Variants in STXBP5L observed in about 807,000 individuals in gnomAD.
STXBP5L encodes the protein syntaxin-binding protein 5-like.
Under a neutral mutation model 144.5 loss-of-function variants are expected in STXBP5L, and 65 were observed. The observed-to-expected ratio is 0.45, with a 90% CI of 0.37 to 0.55. The LOEUF (loss-of-function observed/expected upper bound fraction) is 0.55, where lower values mean the gene tolerates loss of function less well. Ranked by LOEUF, STXBP5L falls within the 20% of genes least tolerant of loss-of-function variation. The pLI is 0.00. For synonymous variants in STXBP5L, 505 were observed against 469.6 expected, an observed-to-expected ratio of 1.08 and a Z score of -0.97; for missense variants, 1,298 against 1,405.5, an observed-to-expected ratio of 0.92 and a Z score of 1.22.
At chr3:121,084,895 A>C (rs1355669968) in intron 5 of STXBP5L, among the ~76,000 whole-genome samples, 1 of 152,082 alleles carries the variant, frequency 6.6e-6, no homozygotes, top group East Asian at 1.9e-4. Flanking sequence ...TGACTTTTTA[A>C]TGGTCATCAT....
intron 6 of STXBP5L, among the ~76,000 whole-genome samples, chr3:121,118,395 T>C (rs1265078333): frequency 1.3e-5 from 2 of 151,578 alleles, no homozygotes; most frequent in Non-Finnish European, 3.0e-5. Flanking sequence ...GAACAGAATA[T>C]TTAAAGGATG....
chr3:121,182,266 T>C (rs1320995083), intron 9 of STXBP5L, among the ~76,000 whole-genome samples: 1 of 152,138 alleles, frequency 6.6e-6, no homozygotes, highest in East Asian at 1.9e-4. Flanking sequence ...GACCATATGA[T>C]AGGCCACAAA....
At chr3:121,403,733 G>A (rs2046936169) in intron 22 of STXBP5L, among the ~76,000 whole-genome samples, 1 of 152,124 alleles carries the variant, frequency 6.6e-6, no homozygotes, top group Non-Finnish European at 1.5e-5. Context: ...AAGGAGATAG[G>A]AATTCTTGGT....
intron 19 of STXBP5L, among the ~76,000 whole-genome samples, chr3:121,310,518 G>A (rs986530444): frequency 6.6e-6 from 1 of 152,132 alleles, no homozygotes; most frequent in Non-Finnish European, 1.5e-5. Context: ...CGAAGGCTGA[G>A]GCAGGAGAGG....
chr3:121,134,407 CT>C (rs894451148), intron 7 of STXBP5L, among the ~76,000 whole-genome samples: 8 of 151,432 alleles, frequency 5.3e-5, no homozygotes, highest in South Asian at 2.1e-4. Context: ...GATTAAATTT[CT>C]TTTTTTTTAA....
chr3:120,988,826 CT>C (rs1172286641), intron 3 of STXBP5L, among the ~76,000 whole-genome samples: 2 of 152,070 alleles, frequency 1.3e-5, no homozygotes, highest in Non-Finnish European at 2.9e-5. Context: ...CACTCTTCCA[CT>C]TTTCTGAGTC....
At chr3:121,364,198 A>G (rs1265761468) in intron 20 of STXBP5L, among the ~76,000 whole-genome samples, 1 of 152,188 alleles carries the variant, frequency 6.6e-6, no homozygotes, top group African/African-American at 2.4e-5. Context: ...TGCACAATTT[A>G]GTGAAGAAAC....
intron 6 of STXBP5L, among the ~76,000 whole-genome samples, chr3:121,118,193 G>A (rs1047478787): frequency 7.9e-5 from 12 of 151,610 alleles, no homozygotes; most frequent in Non-Finnish European, 1.3e-4. Flanking sequence ...TGGAGGCAAA[G>A]TTAAATAAAA....
intron 20 of STXBP5L, among the ~76,000 whole-genome samples, chr3:121,353,832 T>A (rs1054435918): frequency 1.3e-5 from 2 of 152,224 alleles, no homozygotes; most frequent in Non-Finnish European, 2.9e-5. Flanking sequence ...TGCTATACAT[T>A]TCCCTCTACA....
At chr3:120,986,359 T>A (rs1449917052) in intron 3 of STXBP5L, among the ~76,000 whole-genome samples, 1 of 151,984 alleles carries the variant, frequency 6.6e-6, no homozygotes, top group African/African-American at 2.4e-5. Context: ...TGCTATGGTT[T>A]GGTCGAGTGT....
intron 20 of STXBP5L, among the ~76,000 whole-genome samples, chr3:121,321,756 G>T (rs569945592): frequency 2.0e-4 from 30 of 152,210 alleles, no homozygotes; most frequent in Non-Finnish European, 3.5e-4. Context: ...CAGATGAAAA[G>T]ATTGATGCAA....
chr3:121,280,658 C>T (rs904974263), intron 19 of STXBP5L, among the ~76,000 whole-genome samples: 3 of 151,914 alleles, frequency 2.0e-5, no homozygotes, highest in African/African-American at 7.2e-5. Context: ...TTTATAAACA[C>T]TGCCAAAGTT....
chr3:121,354,359 G>C (rs976165271), intron 20 of STXBP5L, among the ~76,000 whole-genome samples: 2 of 152,038 alleles, frequency 1.3e-5, no homozygotes, highest in African/African-American at 2.4e-5. Flanking sequence ...ATGAATCTGG[G>C]TGCTCTTGTA....
At chr3:121,028,299 C>T (rs1446229914) in intron 3 of STXBP5L, among the ~76,000 whole-genome samples, 1 of 151,954 alleles carries the variant, frequency 6.6e-6, no homozygotes, top group African/African-American at 2.4e-5. Context: ...CAGGCTATAG[C>T]AGAAATTTTT....
intron 5 of STXBP5L, among the ~76,000 whole-genome samples, chr3:121,048,688 CT>C (rs11444329): frequency 4.1e-3 from 576 of 140,836 alleles, no homozygotes; most frequent in Admixed American, 5.2e-3. Flanking sequence ...CAGTTAGAGT[CT>C]TTTTTTTTTT....
At chr3:121,031,109 G>C (rs1025710993) in intron 3 of STXBP5L, among the ~76,000 whole-genome samples, 2 of 152,098 alleles carry the variant, frequency 1.3e-5, no homozygotes, top group African/African-American at 4.8e-5. Flanking sequence ...GCAGCAAGCA[G>C]TTCGTGAAAC....
chr3:121,376,749 G>T (rs1418666023), intron 20 of STXBP5L, among the ~76,000 whole-genome samples: 1 of 152,124 alleles, frequency 6.6e-6, no homozygotes, highest in Non-Finnish European at 1.5e-5. Context: ...ACTTAAAGTA[G>T]CTTTTTTTCT....
chr3:120,910,909 A>AT (rs1708801282), intron 2 of STXBP5L, among the ~76,000 whole-genome samples: 1 of 152,104 alleles, frequency 6.6e-6, no homozygotes, highest in Non-Finnish European at 1.5e-5. Flanking sequence ...TACAGTAATA[A>AT]TTTTTTTCCT....
chr3:121,407,364 A>G lies in STXBP5L; in HGVS notation c.2709A>G (p.Lys903=). The change falls in exon 23 of 27, where the codon AAA becomes AAG. Residue 903 remains lysine, a synonymous_variant. Coordinates refer to ENST00000471454, the MANE Select transcript of STXBP5L (RefSeq NM_001308330.2). The part of the protein sequence containing the change: ...RDPNNIDENE[K]SWRRKVVMNS... Reference sequence around the variant, plus strand: ...CAAACAACATAGATGAAAATGAAAAATCTTGGAGAAGGAAAGTGGTAATGA... The same window carrying G: ...CAAACAACATAGATGAAAATGAAAAGTCTTGGAGAAGGAAAGTGGTAATGA... The G allele has an allele frequency of 6.2e-7, 1 of 1,613,030 alleles. No homozygotes were observed. The highest frequency in any genetic ancestry group is 1.1e-5 in the South Asian group (1 of 91,056).
Sources: gnomAD v4.1 joint callset for allele counts (sites outside exome capture counted in the v4.1 genomes callset) on GRCh38, gnomAD v4.1.1 for gene constraint, MANE v1.5 for transcripts, NCBI Gene and HGNC (gene_info 2026-07-23, HGNC 2026-07-21) for gene names.